PRDM1: variants seen among roughly 807,000 people sequenced by gnomAD.
PRDM1 encodes the protein PR/SET domain 1.
In PRDM1, 13 loss-of-function variants were observed where a neutral mutation model predicts 62.8. The observed-to-expected ratio is 0.21, with a 90% CI of 0.13 to 0.33. The LOEUF (loss-of-function observed/expected upper bound fraction) is 0.33, where lower values mean the gene tolerates loss of function less well. Among genes scored for constraint, PRDM1 ranks in the 10% least tolerant of loss-of-function variants. The pLI is 1.00. For synonymous variants in PRDM1, 396 were observed against 417.6 expected (o/e 0.95, Z 0.63); for missense variants, 895 against 1,058.8 (o/e 0.85, Z 2.15).
intron 1 of PRDM1, among the ~76,000 whole-genome samples, chr6:106,012,208 C>T (rs1191293248): frequency 1.4e-5 from 2 of 144,106 alleles, no homozygotes; most frequent in Non-Finnish European, 3.0e-5. Context: ...ACACACACCA[C>T]ACTCCTCCAC....
rs1471539684 is a variant in PRDM1, at chr6:105,994,549, G to A, written c.-67+910G>A. ...TGGGGGATGGAGGTGGGGACGAGAA[G>A]TTTCCGAATGCTGAGTTCATTTGGA... is the stretch of plus-strand genomic sequence containing the variant. On this transcript the variant is annotated intron_variant, in intron 1 of 6. Coordinates refer to the PRDM1 transcript ENST00000652320. The surrounding 1 kb of genome is among the most constrained non-coding windows in gnomAD (Gnocchi z 4.1). Among the ~76,000 whole-genome samples, 1 of 152,170 alleles carries A rather than the reference G, an allele frequency of 6.6e-6. No individual in the cohort carries two copies. The highest frequency in any genetic ancestry group is 1.5e-5 in the Non-Finnish European group (1 of 68,034).
chr6:106,105,901 G>T lies in PRDM1; in HGVS notation c.1741G>T (p.Ala581Ser). The change falls in exon 5 of 7, where the codon GCC becomes TCC. Residue 581 changes from alanine (A) to serine (S), a missense_variant. Coordinates refer to ENST00000369096, the MANE Select transcript of PRDM1 (RefSeq NM_001198.4). Reference protein sequence around the residue: ...GKIKYECNVCAKTFGQLSNLK... With the variant: ...GKIKYECNVCSKTFGQLSNLK... ...GATCAAGTACGAATGCAACGTTTGC[G>T]CCAAGACTTTCGGCCAGCTCTCCAA... The T allele has an allele frequency of 1.2e-6, 2 of 1,613,760 alleles. No individual in the cohort carries two copies. Among genetic ancestry groups the T allele is most frequent in the South Asian group, 2.2e-5 (2 of 91,070 alleles).
intron 1 of PRDM1, among the ~76,000 whole-genome samples, chr6:106,071,408 C>CAT (rs940368671): frequency 3.9e-5 from 6 of 152,068 alleles, no homozygotes; most frequent in South Asian, 2.1e-4. Context: ...CACACACACA[C>CAT]ATACATACAT....
intron 1 of PRDM1, among the ~76,000 whole-genome samples, chr6:106,052,635 G>A (rs967088942): frequency 1.3e-5 from 2 of 151,928 alleles, no homozygotes; most frequent in African/African-American, 4.8e-5. Flanking sequence ...ATTTACACCC[G>A]AATACGTCTC....
intron 1 of PRDM1, among the ~76,000 whole-genome samples, chr6:106,002,609 A>T (rs1488910383): frequency 2.0e-5 from 3 of 152,142 alleles, no homozygotes; most frequent in African/African-American, 7.2e-5. Flanking sequence ...CTTAGAAAAT[A>T]TTTTTTATTA....
intron 1 of PRDM1, among the ~76,000 whole-genome samples, chr6:106,028,328 C>T (rs978253599): frequency 1.3e-5 from 2 of 152,154 alleles, no homozygotes; most frequent in Non-Finnish European, 2.9e-5. Flanking sequence ...TAATGTTGGA[C>T]CTTTGCTTCA....
intron 1 of PRDM1, among the ~76,000 whole-genome samples, chr6:106,079,190 C>T (rs1773652617): frequency 2.0e-5 from 3 of 151,996 alleles, no homozygotes; most frequent in Admixed American, 6.5e-5. Context: ...GTCTCAAACT[C>T]CTGACTTCAG....
intron 1 of PRDM1, among the ~76,000 whole-genome samples, chr6:106,027,408 CTG>C (rs1279934415): frequency 6.6e-6 from 1 of 152,228 alleles, no homozygotes; most frequent in Non-Finnish European, 1.5e-5. Flanking sequence ...TTAATTAAGA[CTG>C]TAAATCACAG....
At chr6:106,063,721 C>T (rs891799745) in intron 1 of PRDM1, among the ~76,000 whole-genome samples, 6 of 152,116 alleles carry the variant, frequency 3.9e-5, no homozygotes, top group African/African-American at 1.4e-4. Flanking sequence ...AAAGATGGGG[C>T]AAGGAGAACA....
chr6:106,024,583 G>T (rs1284076974), intron 1 of PRDM1, among the ~76,000 whole-genome samples: 24 of 152,128 alleles, frequency 1.6e-4, no homozygotes, highest in Admixed American at 1.5e-3. Flanking sequence ...AAATTCAAAT[G>T]ATTATTTTCT....
chr6:106,096,096 T>TAA (rs1297953121), intron 3 of PRDM1: 2 of 176,650 alleles, frequency 1.1e-5, no homozygotes, highest in African/African-American at 4.7e-5. Flanking sequence ...CTTTTTGATT[T>TAA]CTTGCTGACT....
At chr6:105,993,366 G>T (rs1359581852), upstream of PRDM1, among the ~76,000 whole-genome samples, 3 of 152,106 alleles carry the variant, frequency 2.0e-5, no homozygotes, top group Non-Finnish European at 4.4e-5. Context: ...GCCACCTCTG[G>T]GTAGGCAACC....
intron 1 of PRDM1, among the ~76,000 whole-genome samples, chr6:106,005,569 C>T (rs936524588): frequency 6.6e-6 from 1 of 152,146 alleles, no homozygotes; most frequent in Admixed American, 6.5e-5. Flanking sequence ...GGAAAAAATG[C>T]AACTTTCAAT....
intron 1 of PRDM1, among the ~76,000 whole-genome samples, chr6:106,031,695 A>G (rs897903003): frequency 2.0e-5 from 3 of 152,218 alleles, no homozygotes; most frequent in East Asian, 3.8e-4. Context: ...CCATGATTTT[A>G]TCTGAGGCTT....
At chr6:106,012,798 CT>C (rs1328789313) in intron 1 of PRDM1, among the ~76,000 whole-genome samples, 4 of 152,192 alleles carry the variant, frequency 2.6e-5, no homozygotes, top group Admixed American at 2.0e-4. Flanking sequence ...GAAAAGATTA[CT>C]TGTTTCTCTG....
chr6:106,066,646 T>C (rs1403146180), intron 1 of PRDM1, among the ~76,000 whole-genome samples: 1 of 152,218 alleles, frequency 6.6e-6, no homozygotes, highest in African/African-American at 2.4e-5. Flanking sequence ...GTAATATTCA[T>C]TCTTAAAGAT....
chr6:106,088,478 T>A, intron 2 of PRDM1, 29 bp downstream of exon 2: 1 of 1,613,150 alleles, frequency 6.2e-7, no homozygotes, highest in East Asian at 2.2e-5. Flanking sequence ...GACAAGAAGA[T>A]TGGGGACCTG....
intron 1 of PRDM1, among the ~76,000 whole-genome samples, chr6:106,068,676 C>T (rs983019670): frequency 6.6e-6 from 1 of 152,170 alleles, no homozygotes; most frequent in African/African-American, 2.4e-5. Context: ...AGATGGGCAT[C>T]CTTGCCTGAA....
intron 2 of PRDM1, among the ~76,000 whole-genome samples, chr6:106,093,207 G>A (rs186074013): frequency 1.3e-5 from 2 of 152,314 alleles, no homozygotes; most frequent in East Asian, 3.9e-4. Flanking sequence ...GTATTGGGTA[G>A]CTTATGCTTT....
Sources: gnomAD v4.1 joint callset for allele counts (sites outside exome capture counted in the v4.1 genomes callset) on GRCh38, gnomAD v4.1.1 for gene constraint, Gnocchi (gnomAD v3.1) non-coding constraint, MANE v1.5 for transcripts, NCBI Gene and HGNC (gene_info 2026-07-23, HGNC 2026-07-21) for gene names.